Variants in MAPT observed in about 807,000 individuals in gnomAD.
The protein encoded by MAPT is microtubule associated protein tau.
MAPT carries 34 observed loss-of-function variants against 67.9 expected under a neutral mutation model. That is an observed-to-expected ratio of 0.50 (90% CI 0.38 to 0.67). MAPT has a LOEUF of 0.67. MAPT is among the 30% of genes least tolerant of loss of function. The pLI is 0.00. For synonymous variants in MAPT, 456 were observed against 464.5 expected (o/e 0.98, Z 0.23); for missense variants, 881 against 1,115.2 (o/e 0.79, Z 2.99).
rs751723973 is a variant in MAPT at position 45,982,037 on chromosome 17, AG to A, written c.287-828del. ...CTGTCTCAAAAAAAAAAAAAAAGAAAGAAAGAAAGGAAAAAAAAAACTCATG... is the reference window on the plus strand; with the variant it reads ...CTGTCTCAAAAAAAAAAAAAAAGAAAAAAGAAAGGAAAAAAAAAACTCATG... On this transcript the variant is annotated intron_variant, in intron 4 of 12. Coordinates refer to ENST00000262410, the MANE Select transcript of MAPT (RefSeq NM_001377265.1). Among the ~76,000 whole-genome samples the A allele has an allele frequency of 9.4e-3, 1,413 of 149,748 alleles. 33 individuals are homozygous for A. The highest frequency in any genetic ancestry group is 0.017 in the Non-Finnish European group (1,129 of 67,264).
intron 1 of MAPT, among the ~76,000 whole-genome samples, chr17:45,937,907 C>T (rs2067494554): frequency 6.6e-6 from 1 of 152,214 alleles, no homozygotes; most frequent in African/African-American, 2.4e-5. Flanking sequence ...TCAGAGCCAT[C>T]TGCTGCAAGT....
At chr17:45,984,720 C>G (rs2073368320) in intron 5 of MAPT, among the ~76,000 whole-genome samples, 1 of 152,198 alleles carries the variant, frequency 6.6e-6, no homozygotes, top group African/African-American at 2.4e-5. Context: ...GGGGGTTGAG[C>G]AGGGCCCACC....
intron 1 of MAPT, among the ~76,000 whole-genome samples, chr17:45,941,349 G>A (rs1309165664): frequency 1.3e-5 from 2 of 151,988 alleles, no homozygotes; most frequent in East Asian, 1.9e-4. Context: ...TTTTCTTAAG[G>A]CTCTTGGAAG....
chr17:45,954,544 G>T (rs550721873), intron 1 of MAPT, among the ~76,000 whole-genome samples: 1 of 152,258 alleles, frequency 6.6e-6, no homozygotes, highest in South Asian at 2.1e-4. Context: ...GATCGCCTGA[G>T]CCCAGGAAGT....
Position 45,906,103 on chromosome 17 carries a change from C to A in MAPT, c.-18+11417C>A, listed in dbSNP as rs147417837. ...CTGCACTGATCTTGTCTGTCCCCTT[C>A]TTTGGAAGGAAGGAGCCCCAAACCA... On this transcript the variant is annotated intron_variant, in intron 1 of 12. Coordinates refer to ENST00000262410, the MANE Select transcript of MAPT (RefSeq NM_001377265.1). This position sits in a 1 kb window ranked among gnomAD's most constrained non-coding sequence, Gnocchi z 4.3. 1.3e-5 allele frequency among the ~76,000 whole-genome samples: 2 copies of A among 152,280 alleles called. No homozygotes were observed. The highest frequency in any genetic ancestry group is 2.9e-5 in the Non-Finnish European group (2 of 68,016).
At chr17:45,927,000 C>T (rs796394474) in intron 1 of MAPT, among the ~76,000 whole-genome samples, 1 of 149,238 alleles carries the variant, frequency 6.7e-6, no homozygotes, top group South Asian at 2.1e-4. Flanking sequence ...CACACATACA[C>T]ATATATATAC....
chr17:45,916,037 C>G (rs570224874), intron 1 of MAPT, among the ~76,000 whole-genome samples: 2 of 152,300 alleles, frequency 1.3e-5, no homozygotes, highest in East Asian at 3.9e-4. Context: ...ACCCTGCCCA[C>G]AGTCCTGTCC....
chr17:45,996,355 C>T lies in MAPT; in HGVS notation c.1733-44C>T. The T allele has an allele frequency of 6.2e-7, 1 of 1,603,754 alleles. No individual in the cohort carries two copies. The highest frequency in any genetic ancestry group is 8.5e-7 in the Non-Finnish European group (1 of 1,178,960). ...GCAGCCCCCAGGGCCTTTTCTGACC[C>T]CACCCACTCGAGTCCTGGCTTCACT... On this transcript the variant is annotated intron_variant, in intron 8 of 12. Coordinates refer to ENST00000262410, the MANE Select transcript of MAPT (RefSeq NM_001377265.1). This position sits in a 1 kb window ranked among gnomAD's most constrained non-coding sequence, Gnocchi z 4.5.
chr17:45,961,783 T>C (rs1320018575), intron 1 of MAPT, among the ~76,000 whole-genome samples: 1 of 151,568 alleles, frequency 6.6e-6, no homozygotes, highest in Admixed American at 6.6e-5. Context: ...TTGTTTTTTT[T>C]TTTTTGTTTT....
At chr17:45,961,779 T>TG (rs1335350691) in intron 1 of MAPT, among the ~76,000 whole-genome samples, 33 of 151,692 alleles carry the variant, frequency 2.2e-4, no homozygotes, top group Non-Finnish European at 3.1e-4. Flanking sequence ...TGTTTTGTTT[T>TG]TTTTTTTTTG....
chr17:45,949,393 AC>A (rs779970463), intron 1 of MAPT, among the ~76,000 whole-genome samples: 9 of 152,024 alleles, frequency 5.9e-5, no homozygotes, highest in Non-Finnish European at 1.3e-4. Flanking sequence ...GAGCCCCTGG[AC>A]TCTTGACTCC....
chr17:45,920,776 T>C (rs779010083), intron 1 of MAPT, among the ~76,000 whole-genome samples: 1 of 150,736 alleles, frequency 6.6e-6, no homozygotes, highest in South Asian at 2.2e-4. Context: ...CCCGAGAGAG[T>C]GGGGCACCCC....
At chr17:45,967,883 G>T (rs1371878662) in intron 2 of MAPT, among the ~76,000 whole-genome samples, 1 of 152,124 alleles carries the variant, frequency 6.6e-6, no homozygotes, top group Non-Finnish European at 1.5e-5. Context: ...CTCTACTGCT[G>T]TTGGTGATAC....
chr17:45,965,585 C>T (rs111751251), intron 2 of MAPT, among the ~76,000 whole-genome samples: 21,907 of 151,716 alleles, frequency 0.14, 2,126 homozygotes, highest in Non-Finnish European at 0.22. Flanking sequence ...CTGGCCAGTT[C>T]TTGTATTTTT....
chr17:45,939,471 T>A (rs2067666272), intron 1 of MAPT, among the ~76,000 whole-genome samples: 1 of 152,232 alleles, frequency 6.6e-6, no homozygotes, highest in Non-Finnish European at 1.5e-5. Flanking sequence ...GCCTAGCACA[T>A]GCCTGTAAAT....
intron 1 of MAPT, among the ~76,000 whole-genome samples, chr17:45,948,921 A>AT (rs1012045728): frequency 1.3e-5 from 2 of 152,180 alleles, no homozygotes; most frequent in African/African-American, 4.8e-5. Flanking sequence ...TGTTAAGGTT[A>AT]TTTTTGGATT....
chr17:46,012,904 G>T (rs1490444559), intron 10 of MAPT, among the ~76,000 whole-genome samples: 3 of 151,994 alleles, frequency 2.0e-5, no homozygotes, highest in Non-Finnish European at 4.4e-5. Flanking sequence ...AAGCCAGGCC[G>T]CGCGCCATCC....
At chr17:45,984,021 A>C in intron 5 of MAPT, 91 bp downstream of exon 5, 3 of 1,092,926 alleles carry the variant, frequency 2.7e-6, no homozygotes, top group Non-Finnish European at 2.6e-6. Flanking sequence ...AGGCCTCCCG[A>C]CTCCTGCTGC....
chr17:45,950,106 T>A (rs909848781), intron 1 of MAPT, among the ~76,000 whole-genome samples: 2 of 152,040 alleles, frequency 1.3e-5, no homozygotes, highest in African/African-American at 4.8e-5. Flanking sequence ...TGGGGCTCGG[T>A]GGCCTTGGGC....
Sources: allele counts gnomAD v4.1 joint callset (sites outside exome capture counted in the v4.1 genomes callset), GRCh38; gene constraint gnomAD v4.1.1; non-coding constraint Gnocchi (gnomAD v3.1); transcripts MANE v1.5; gene names NCBI Gene and HGNC (gene_info 2026-07-23, HGNC 2026-07-21).